CPEB1: variants seen among roughly 807,000 people sequenced by gnomAD.
CPEB1 encodes the protein cytoplasmic polyadenylation element binding protein 1, also known as cytoplasmic polyadenylation element-binding protein 1.
In CPEB1, 7 loss-of-function variants were observed where a neutral mutation model predicts 65.8. The ratio of observed to expected loss-of-function variants is 0.11; its 90% CI spans 0.06 to 0.20. The LOEUF (loss-of-function observed/expected upper bound fraction) is 0.20, where lower values mean the gene tolerates loss of function less well. CPEB1 is among the 10% of genes least tolerant of loss of function. The pLI is 1.00. For synonymous variants in CPEB1, 262 were observed against 260.0 expected, an observed-to-expected ratio of 1.01 and a Z score of -0.08; for missense variants, 551 against 712.2, an observed-to-expected ratio of 0.77 and a Z score of 2.58.
At chr15:82,633,826 T>C (rs1337639030) in intron 1 of CPEB1, among the ~76,000 whole-genome samples, 1 of 152,156 alleles carries the variant, frequency 6.6e-6, no homozygotes, top group East Asian at 1.9e-4. Context: ...ATTTCCCTCC[T>C]CCACAAAGGA....
At chr15:82,595,231 T>C (rs751254087) in intron 3 of CPEB1, among the ~76,000 whole-genome samples, 38 of 152,342 alleles carry the variant, frequency 2.5e-4, no homozygotes, top group South Asian at 1.5e-3. Flanking sequence ...TTAATAGACA[T>C]TTGGATTGTT....
chr15:82,562,118 G>A, intron 4 of CPEB1: 21 of 433,584 alleles, frequency 4.8e-5, no homozygotes, highest in South Asian at 3.5e-4. Flanking sequence ...GACAGAGACT[G>A]GATGCTTTCC....
At chr15:82,596,514 A>G (rs1390317471) in intron 3 of CPEB1, among the ~76,000 whole-genome samples, 1 of 151,986 alleles carries the variant, frequency 6.6e-6, no homozygotes, top group Non-Finnish European at 1.5e-5. Context: ...AAACTCCAAC[A>G]TGGCAAAACC....
intron 4 of CPEB1, among the ~76,000 whole-genome samples, chr15:82,564,308 C>T (rs985660615): frequency 4.6e-5 from 7 of 151,780 alleles, no homozygotes; most frequent in East Asian, 1.9e-4. Context: ...TTTTTTGAGA[C>T]GGAGTCTCGC....
intron 4 of CPEB1, among the ~76,000 whole-genome samples, chr15:82,563,503 A>ATTTTTTT: frequency 7.4e-6 from 1 of 134,782 alleles, no homozygotes; most frequent in South Asian, 2.5e-4. Flanking sequence ...TGTCTGACTA[A>ATTTTTTT]TTTTTTTTTT....
chr15:82,643,966 C>T (rs2047298415), intron 1 of CPEB1, among the ~76,000 whole-genome samples: 1 of 152,156 alleles, frequency 6.6e-6, no homozygotes, highest in African/African-American at 2.4e-5. Context: ...TTCAAATTTG[C>T]CTTGCCTCAG....
chr15:82,572,985 C>T, intron 3 of CPEB1: 2 of 1,507,412 alleles, frequency 1.3e-6, no homozygotes, highest in South Asian at 1.3e-5. Flanking sequence ...GGGCAACAGG[C>T]CCAGACTCAC....
chr15:82,591,284 C>G (rs1022731590), intron 3 of CPEB1, among the ~76,000 whole-genome samples: 1 of 152,118 alleles, frequency 6.6e-6, no homozygotes, highest in Non-Finnish European at 1.5e-5. Context: ...TGTTGTGACA[C>G]GAAGTCTTGC....
chr15:82,640,536 C>G (rs914709304), intron 1 of CPEB1: 6 of 152,170 alleles, frequency 3.9e-5, no homozygotes, highest in Non-Finnish European at 7.3e-5. Context: ...TTCCCACTCC[C>G]TACACTATGC....
chr15:82,568,230 G>A (rs1466912100), intron 4 of CPEB1, among the ~76,000 whole-genome samples: 4 of 152,084 alleles, frequency 2.6e-5, no homozygotes, highest in East Asian at 3.9e-4. Flanking sequence ...ATCATGTGAT[G>A]TACTTAGCAC....
At chr15:82,548,033 A>G (rs982064713) in intron 10 of CPEB1, among the ~76,000 whole-genome samples, 3 of 152,168 alleles carry the variant, frequency 2.0e-5, no homozygotes, top group Admixed American at 2.0e-4. Flanking sequence ...TGGTGACATT[A>G]ATTTTAATAA....
intron 1 of CPEB1, among the ~76,000 whole-genome samples, chr15:82,630,809 A>G (rs1458151255): frequency 2.0e-5 from 3 of 152,206 alleles, no homozygotes; most frequent in Non-Finnish European, 4.4e-5. Flanking sequence ...AGTGTGGTAC[A>G]GCATTAGGTA....
intron 3 of CPEB1, among the ~76,000 whole-genome samples, chr15:82,610,476 G>C (rs2044022598): frequency 6.6e-6 from 1 of 151,806 alleles, no homozygotes; most frequent in Non-Finnish European, 1.5e-5. Flanking sequence ...TACACACTAT[G>C]ACCAAATGGG....
chr15:82,594,413 T>C (rs1187498476), intron 3 of CPEB1, among the ~76,000 whole-genome samples: 2 of 152,142 alleles, frequency 1.3e-5, no homozygotes, highest in Non-Finnish European at 2.9e-5. Flanking sequence ...AACCAACCTC[T>C]GCTAGCTTCC....
Position 82,544,668 on chromosome 15 carries a change from T to C in CPEB1, c.1691A>G (p.His564Arg). The C allele has an allele frequency of 6.2e-7, 1 of 1,613,446 alleles. No individual in the cohort carries two copies. Among genetic ancestry groups the C allele is most frequent in the Non-Finnish European group, 8.5e-7 (1 of 1,179,826 alleles). ...CFKYFCRSCW[H>R]WRHSMEGLRH... The stretch of plus-strand genomic sequence containing the variant: ...CAGGCCCTCCATGCTGTGCCGCCAG[T>C]GCCAGCAGCTCCGGCAGAAGTATTT... Residue 564 changes from histidine to arginine, a missense_variant, in exon 13 of 13, where the codon CAC (histidine) becomes CGC (arginine). Transcript: ENST00000684509.
At chr15:82,646,045 TCCA>T (rs1224861717) in intron 1 of CPEB1, among the ~76,000 whole-genome samples, 2 of 152,114 alleles carry the variant, frequency 1.3e-5, no homozygotes, top group Admixed American at 6.5e-5. Context: ...CCCATTGAGC[TCCA>T]CAAGCTTTTC....
At position 82,545,997 on chromosome 15, in the gene CPEB1, C is replaced by CT. The variant is rs201801565; in HGVS notation, c.1656+443dup. Among the ~76,000 whole-genome samples the CT allele has an allele frequency of 6.2e-3, 659 of 106,196 alleles. 4 individuals are homozygous for CT. Among genetic ancestry groups the CT allele is most frequent in the African/African-American group, 0.026 (622 of 24,192 alleles). 69.7% of individuals were successfully genotyped at this position (106,196 alleles called of 152,430 possible). ...TCTTAAGAGTTCTGGATCAAGCTAT[C>CT]TAAAGTATGTCTGTCCCGGTCTGAC... is the stretch of plus-strand genomic sequence containing the variant. On this transcript the variant is annotated intron_variant, in intron 12 of 12. Coordinates refer to ENST00000684509, the MANE Select transcript of CPEB1 (RefSeq NM_001365242.1).
intron 3 of CPEB1, among the ~76,000 whole-genome samples, chr15:82,618,932 T>C (rs1328933170): frequency 6.6e-6 from 1 of 152,196 alleles, no homozygotes; most frequent in East Asian, 1.9e-4. Context: ...GAACTTTGTG[T>C]ATGTGGGGCA....
At chr15:82,621,363 T>C (rs2045283030) in intron 3 of CPEB1, among the ~76,000 whole-genome samples, 1 of 150,972 alleles carries the variant, frequency 6.6e-6, no homozygotes, top group African/African-American at 2.4e-5. Context: ...GGCTCACGCC[T>C]GTAATCCCAG....
Sources: gnomAD v4.1 joint callset for allele counts (sites outside exome capture counted in the v4.1 genomes callset) on GRCh38, gnomAD v4.1.1 for gene constraint, MANE v1.5 for transcripts, NCBI Gene and HGNC (gene_info 2026-07-23, HGNC 2026-07-21) for gene names.